Variants in ABTB3 observed in about 807,000 individuals in gnomAD.
ABTB3 encodes ankyrin repeat and BTB domain containing 3.
the ABTB3 span, among the ~76,000 whole-genome samples, chr12:107,631,775 A>C: frequency 2.4e-3 from 359 of 152,322 alleles, 1 homozygote; most frequent in African/African-American, 8.1e-3. Flanking sequence ...TTCAGAGGGA[A>C]ACCCTGGAGA....
the ABTB3 span, among the ~76,000 whole-genome samples, chr12:107,413,544 T>C: frequency 6.6e-6 from 1 of 152,140 alleles, no homozygotes; most frequent in Admixed American, 6.5e-5. Flanking sequence ...GCAATGCTGT[T>C]TATGAAAAAA....
chr12:107,648,415 A>ACACACACACACACACAC, the ABTB3 span, among the ~76,000 whole-genome samples: 1 of 76,588 alleles, frequency 1.3e-5, no homozygotes, highest in African/African-American at 4.3e-5. Flanking sequence ...CACACACACA[A>ACACACACACACACACAC]AGACAATAGG....
At chr12:107,384,963 C>T in the ABTB3 span, among the ~76,000 whole-genome samples, 1 of 152,200 alleles carries the variant, frequency 6.6e-6, no homozygotes, top group Non-Finnish European at 1.5e-5. Context: ...CCCGTCACAC[C>T]ATGTCATGTA....
the ABTB3 span, among the ~76,000 whole-genome samples, chr12:107,596,581 C>T: frequency 6.6e-6 from 1 of 152,164 alleles, no homozygotes; most frequent in African/African-American, 2.4e-5. Context: ...CACTACCACA[C>T]TCTAGCCTGG....
the ABTB3 span, among the ~76,000 whole-genome samples, chr12:107,560,812 T>C: frequency 6.6e-6 from 1 of 152,214 alleles, no homozygotes; most frequent in African/African-American, 2.4e-5. Flanking sequence ...CACGTGCACT[T>C]GGCCAAGTCT....
chr12:107,399,168 A>T, the ABTB3 span, among the ~76,000 whole-genome samples: 1 of 152,202 alleles, frequency 6.6e-6, no homozygotes, highest in Non-Finnish European at 1.5e-5. Flanking sequence ...TGTTTAAGGG[A>T]TGCATTTGAA....
the ABTB3 span, among the ~76,000 whole-genome samples, chr12:107,596,306 T>C: frequency 2.0e-5 from 3 of 152,288 alleles, no homozygotes; most frequent in African/African-American, 7.2e-5. Context: ...AGCAAGTGTA[T>C]GCCACACATA....
chr12:107,652,459 T>G, the ABTB3 span, among the ~76,000 whole-genome samples: 1 of 152,222 alleles, frequency 6.6e-6, no homozygotes, highest in Non-Finnish European at 1.5e-5. Flanking sequence ...GAAAAAGGCA[T>G]CTTTCAAAGC....
the ABTB3 span, among the ~76,000 whole-genome samples, chr12:107,500,733 C>T: frequency 6.6e-6 from 1 of 152,152 alleles, no homozygotes; most frequent in Non-Finnish European, 1.5e-5. Context: ...CTACTGCAGG[C>T]AACAAGCAGA....
At chr12:107,338,980 A>G in the ABTB3 span, among the ~76,000 whole-genome samples, 3 of 152,316 alleles carry the variant, frequency 2.0e-5, no homozygotes, top group East Asian at 1.9e-4. Flanking sequence ...GGTATGCCAC[A>G]GCACTCAGCT....
chr12:107,455,358 C>T, the ABTB3 span, among the ~76,000 whole-genome samples: 1,322 of 152,180 alleles, frequency 8.7e-3, 23 homozygotes, highest in African/African-American at 0.031. Context: ...TCTGTGCTGT[C>T]GCCCATGCTG....
At chr12:107,319,503 T>C in the ABTB3 span, 1 of 1,587,784 alleles carries the variant, frequency 6.3e-7, no homozygotes, top group African/African-American at 1.3e-5. Flanking sequence ...GCACTGTCCC[T>C]CTACAACATG....
the ABTB3 span, among the ~76,000 whole-genome samples, chr12:107,556,306 G>C: frequency 6.6e-6 from 1 of 152,006 alleles, no homozygotes; most frequent in Non-Finnish European, 1.5e-5. Context: ...ATGTTGGTCA[G>C]GCTGGTCTCC....
At chr12:107,562,188 T>C in the ABTB3 span, among the ~76,000 whole-genome samples, 1 of 152,204 alleles carries the variant, frequency 6.6e-6, no homozygotes, top group South Asian at 2.1e-4. Context: ...GCAAAATATC[T>C]GCCTTTGTGG....
At chr12:107,464,553 C>G in the ABTB3 span, among the ~76,000 whole-genome samples, 1 of 152,126 alleles carries the variant, frequency 6.6e-6, no homozygotes, top group African/African-American at 2.4e-5. Context: ...TCAAGCAATT[C>G]TTCTGCCTTG....
the ABTB3 span, among the ~76,000 whole-genome samples, chr12:107,564,876 C>T: frequency 2.2e-4 from 34 of 152,350 alleles, no homozygotes; most frequent in African/African-American, 7.7e-4. Flanking sequence ...TTGCACAGGC[C>T]TTGTTTCCTA....
At chr12:107,382,146 A>G in the ABTB3 span, among the ~76,000 whole-genome samples, 1 of 152,222 alleles carries the variant, frequency 6.6e-6, no homozygotes, top group Admixed American at 6.5e-5. Context: ...GTGGGGATGT[A>G]TAAAGGTGAT....
At chr12:107,522,568 A>C in the ABTB3 span, among the ~76,000 whole-genome samples, 6 of 151,326 alleles carry the variant, frequency 4.0e-5, no homozygotes, top group South Asian at 2.1e-4. Context: ...TATTTTTTTA[A>C]TTGTCTCTCT....
the ABTB3 span, among the ~76,000 whole-genome samples, chr12:107,366,771 A>AT: frequency 6.6e-6 from 1 of 152,202 alleles, no homozygotes; most frequent in African/African-American, 2.4e-5. Context: ...GAAAATATAT[A>AT]TTTTTTAATG....
Sources: gnomAD v4.1 joint callset for allele counts (sites outside exome capture counted in the v4.1 genomes callset) on GRCh38, gnomAD v4.1.1 for gene constraint, MANE v1.5 for transcripts, NCBI Gene and HGNC (gene_info 2026-07-23, HGNC 2026-07-21) for gene names.